SGCD: variants seen among roughly 807,000 people sequenced by gnomAD.
SGCD encodes the protein sarcoglycan delta.
SGCD carries 18 observed loss-of-function variants against 36.6 expected under a neutral mutation model. That is an observed-to-expected ratio of 0.49 (90% CI 0.34 to 0.73). The LOEUF is 0.73. SGCD is among the 30% of genes least tolerant of loss of function. The pLI is 0.01. For missense variants in SGCD, 387 were observed against 346.7 expected (o/e 1.12, Z -0.92); for synonymous variants, 133 against 130.6 (o/e 1.02, Z -0.12).
chr5:155,973,626 T>C (rs1758049664), intron 1 of SGCD, among the ~76,000 whole-genome samples: 1 of 152,186 alleles, frequency 6.6e-6, no homozygotes, highest in South Asian at 2.1e-4. Flanking sequence ...CATATGAATA[T>C]ATATGATGCG....
intron 1 of SGCD, among the ~76,000 whole-genome samples, chr5:155,890,258 G>A (rs1413501070): frequency 6.6e-6 from 1 of 151,158 alleles, no homozygotes; most frequent in African/African-American, 2.4e-5. Context: ...TTTGGATATA[G>A]GAAACTCATT....
chr5:155,887,461 C>T (rs532562267), intron 1 of SGCD, among the ~76,000 whole-genome samples: 1 of 152,286 alleles, frequency 6.6e-6, no homozygotes, highest in South Asian at 2.1e-4. Context: ...TTCCCTTTAG[C>T]GCATCCTGGA....
At chr5:155,904,201 C>G (rs1212371131) in intron 1 of SGCD, among the ~76,000 whole-genome samples, 1 of 152,146 alleles carries the variant, frequency 6.6e-6, no homozygotes, top group Non-Finnish European at 1.5e-5. Context: ...ATTGCTGTAG[C>G]TGTTGGGTAT....
intron 1 of SGCD, among the ~76,000 whole-genome samples, chr5:155,925,125 A>C (rs926404487): frequency 6.6e-6 from 1 of 151,764 alleles, no homozygotes; most frequent in Admixed American, 6.6e-5. Flanking sequence ...TGATAGTGAT[A>C]GTAAAAACAA....
the SGCD span, among the ~76,000 whole-genome samples, chr5:155,849,400 C>A: frequency 6.6e-6 from 1 of 151,834 alleles, no homozygotes; most frequent in Non-Finnish European, 1.5e-5. Flanking sequence ...GTGATACAGG[C>A]ACACACACCC....
chr5:156,072,495 G>T (rs1465809526), intron 1 of SGCD, among the ~76,000 whole-genome samples: 2 of 151,908 alleles, frequency 1.3e-5, no homozygotes, highest in Non-Finnish European at 1.5e-5. Flanking sequence ...TCTGCCGAGA[G>T]ATCCGCTGTT....
chr5:156,666,922 G>A (rs1248791246), intron 7 of SGCD, among the ~76,000 whole-genome samples: 1 of 152,072 alleles, frequency 6.6e-6, no homozygotes, highest in Non-Finnish European at 1.5e-5. Context: ...ACCCCAGCCT[G>A]GGTGACAGAG....
In SGCD at chr5:156,156,843, A is replaced by G. The variant is rs370913350; in HGVS notation, c.-44+32824A>G. Among the ~76,000 whole-genome samples, 23 of 151,636 alleles carry G rather than the reference A, an allele frequency of 1.5e-4. No homozygotes were observed. The East Asian group carries it at 4.1e-3, about 27-fold the overall frequency. On this transcript the variant is annotated intron_variant, in intron 3 of 9. Transcript: ENST00000517913. ...AATTCTAGTGTAGGCATTCTTAGTA[A>G]GAACTCTTGATTTTCACATCTGGTT... is the stretch of plus-strand genomic sequence containing the variant.
At chr5:156,518,387 G>A (rs983883373) in intron 4 of SGCD, among the ~76,000 whole-genome samples, 9 of 152,086 alleles carry the variant, frequency 5.9e-5, no homozygotes, top group Non-Finnish European at 1.0e-4. Flanking sequence ...CACAATAATA[G>A]TGTGAGACTT....
intron 3 of SGCD, among the ~76,000 whole-genome samples, chr5:156,431,663 C>G (rs1753015707): frequency 6.6e-6 from 1 of 152,150 alleles, no homozygotes; most frequent in African/African-American, 2.4e-5. Context: ...TGTCCCCCTT[C>G]CCTTAGGAAT....
chr5:156,059,662 A>C (rs1760154407), intron 1 of SGCD, among the ~76,000 whole-genome samples: 1 of 146,470 alleles, frequency 6.8e-6, no homozygotes, highest in East Asian at 1.9e-4. Context: ...GGCTTTGCCA[A>C]AGTAATTTGC....
intron 1 of SGCD, among the ~76,000 whole-genome samples, chr5:156,090,769 T>C (rs1761220388): frequency 6.6e-6 from 1 of 152,152 alleles, no homozygotes; most frequent in African/African-American, 2.4e-5. Flanking sequence ...CTGTCGTTTA[T>C]AGACCTACCC....
chr5:156,357,227 A>G (rs1307003709), intron 3 of SGCD, among the ~76,000 whole-genome samples: 1 of 152,176 alleles, frequency 6.6e-6, no homozygotes. Context: ...TACTCCTCAC[A>G]ATGACCCTGT....
chr5:156,161,227 G>A lies in SGCD; in HGVS notation c.-44+37208G>A, dbSNP rs534160465. On this transcript the variant is annotated intron_variant, in intron 3 of 9. Transcript: ENST00000517913. ...TGTTTTATCCTGAAGATACCCTGTC[G>A]TCTATTTTACTTTTGGGAGAATGGA... Among the ~76,000 whole-genome samples the A allele has an allele frequency of 2.0e-4, 31 of 151,746 alleles. 1 individual carries two copies. The highest frequency in any genetic ancestry group is 4.1e-4 in the African/African-American group (17 of 41,072).
intron 1 of SGCD, among the ~76,000 whole-genome samples, chr5:156,040,751 A>T (rs1042939581): frequency 6.6e-6 from 1 of 151,892 alleles, no homozygotes; most frequent in East Asian, 1.9e-4. Context: ...CTTAGATAAC[A>T]TTTTTCATTA....
In SGCD at chr5:156,132,458, C is replaced by CTTTTTTT; in HGVS notation, c.-44+8461_-44+8467dup. Among the ~76,000 whole-genome samples, 50 of 51,794 alleles carry CTTTTTTT rather than the reference C, an allele frequency of 9.7e-4. 11 individuals carry two copies. Among genetic ancestry groups the CTTTTTTT allele is most frequent in the African/African-American group, 2.0e-3 (21 of 10,388 alleles). 34.0% of individuals were successfully genotyped at this position (51,794 alleles called of 152,430 possible). A position where few individuals can be genotyped will look rare whatever the true frequency, so the allele number is the denominator to read the frequency against. Reference sequence around the variant, plus strand: ...CGGAACTGTGGCTAACTTACCAAGTCTTTTTTTTTTTTTTTTTTTTTTTTT... The same window carrying CTTTTTTT: ...CGGAACTGTGGCTAACTTACCAAGTCTTTTTTTTTTTTTTTTTTTTTTTTTTTTTTTT... On this transcript the variant is annotated intron_variant, in intron 3 of 9. Coordinates refer to the SGCD transcript ENST00000517913.
chr5:155,942,700 G>GGAACA (rs143284601), intron 1 of SGCD, among the ~76,000 whole-genome samples: 15,204 of 152,008 alleles, frequency 0.1, 840 homozygotes, highest in South Asian at 0.17. Context: ...AGATTTCAGA[G>GGAACA]GAACAGAACA....
chr5:156,554,329 T>C (rs1231740482), intron 4 of SGCD, among the ~76,000 whole-genome samples: 1 of 151,430 alleles, frequency 6.6e-6, no homozygotes, highest in Admixed American at 6.6e-5. Context: ...CACTCCAGCC[T>C]TGGCAACAGA....
At chr5:156,163,746 C>T (rs575461565) in intron 3 of SGCD, among the ~76,000 whole-genome samples, 7 of 151,456 alleles carry the variant, frequency 4.6e-5, no homozygotes, top group East Asian at 1.9e-4. Flanking sequence ...TTCGGCCGGG[C>T]GCGGTGGCTC....
Sources: gnomAD v4.1 joint callset for allele counts (sites outside exome capture counted in the v4.1 genomes callset) on GRCh38, gnomAD v4.1.1 for gene constraint, MANE v1.5 for transcripts, NCBI Gene and HGNC (gene_info 2026-07-23, HGNC 2026-07-21) for gene names.